The following IL18RAP variants were observed in gnomAD, a reference collection of about 807,000 sequenced individuals.
IL18RAP encodes the protein interleukin-18 receptor accessory protein.
IL18RAP carries 37 observed loss-of-function variants against 58.1 expected under a neutral mutation model. The observed-to-expected ratio is 0.64, with a 90% CI of 0.49 to 0.84. The LOEUF is 0.84. Among genes scored for constraint, IL18RAP ranks in the 40% least tolerant of loss-of-function variants. The pLI, the probability that IL18RAP is intolerant of heterozygous loss-of-function variation, is 0.00. For missense variants in IL18RAP, 667 were observed against 704.8 expected (o/e 0.95, Z 0.61); for synonymous variants, 268 against 257.5 (o/e 1.04, Z -0.39).
Position 102,452,508 on chromosome 2 carries a change from T to C in IL18RAP, c.*327T>C. 7.5e-6 allele frequency: 2 copies of C among 267,926 alleles called. No homozygotes were observed. The highest frequency in any genetic ancestry group is 7.0e-6 in the Non-Finnish European group (1 of 142,634). The allele number at this position is 267,926 out of a possible 1,614,324, so 16.6% of individuals were successfully genotyped here. ...CTAGGGAACTGTCATGTCTACCATGTATTGTACATATGACTTTATGTATAC... is the reference window on the plus strand; with the variant it reads ...CTAGGGAACTGTCATGTCTACCATGCATTGTACATATGACTTTATGTATAC... On this transcript the variant is annotated 3_prime_UTR_variant, in exon 10 of 10. Coordinates refer to ENST00000687160, the MANE Select transcript of IL18RAP (RefSeq NM_001393487.1).
chr2:102,452,116 T>A lies in IL18RAP; in HGVS notation c.1735T>A (p.Phe579Ile). ...CCAGCTCAGAATTACCTCTAGGATT[T>A]TTCAGTGGAAAGGACTCAGTAGAAC... ...WNQLRITSRI[F>I]QWKGLSRTET... The change falls in exon 10 of 10, where the codon TTT (phenylalanine) becomes ATT (isoleucine). Residue 579 changes from phenylalanine to isoleucine, a missense_variant. Phe to Ile is a conservative substitution (Grantham distance 21, BLOSUM62 0). Transcript: ENST00000687160. The A allele has an allele frequency of 6.2e-7, 1 of 1,614,102 alleles. No individual in the cohort carries two copies. Among genetic ancestry groups the A allele is most frequent in the Non-Finnish European group, 8.5e-7 (1 of 1,180,018 alleles).
chr2:102,437,708 A>G (rs1311055988), intron 4 of IL18RAP, among the ~76,000 whole-genome samples: 1 of 152,204 alleles, frequency 6.6e-6, no homozygotes, highest in African/African-American at 2.4e-5. Context: ...CACATGCTTC[A>G]AATCATAATT....
chr2:102,442,658 A>G (rs1386786015), intron 5 of IL18RAP, among the ~76,000 whole-genome samples: 1 of 152,196 alleles, frequency 6.6e-6, no homozygotes, highest in Non-Finnish European at 1.5e-5. Context: ...TTCCTCATGG[A>G]AAAAAATGGG....
chr2:102,448,413 T>C (rs1168567406), intron 8 of IL18RAP, among the ~76,000 whole-genome samples: 1 of 152,240 alleles, frequency 6.6e-6, no homozygotes, highest in Non-Finnish European at 1.5e-5. Flanking sequence ...GATAATCATG[T>C]TCATTGATGT....
intron 4 of IL18RAP, chr2:102,439,436 A>G (rs1006356301): frequency 4.6e-5 from 7 of 152,568 alleles, no homozygotes; most frequent in Non-Finnish European, 1.0e-4. Context: ...CCATGGATAC[A>G]AGCCAGCCTT....
At chr2:102,442,302 A>AT (rs925952935) in intron 5 of IL18RAP, among the ~76,000 whole-genome samples, 2 of 151,652 alleles carry the variant, frequency 1.3e-5, no homozygotes, top group African/African-American at 2.4e-5. Context: ...AATAATATAA[A>AT]TTTTTTTATT....
upstream of IL18RAP, among the ~76,000 whole-genome samples, chr2:102,421,216 A>G (rs1303350191): frequency 1.3e-5 from 2 of 152,220 alleles, no homozygotes; most frequent in Admixed American, 1.3e-4. Context: ...TCAGACAATA[A>G]TATGTGCTAA....
intron 3 of IL18RAP, among the ~76,000 whole-genome samples, chr2:102,433,350 G>A (rs1682517492): frequency 6.6e-6 from 1 of 152,184 alleles, no homozygotes; most frequent in African/African-American, 2.4e-5. Flanking sequence ...AGCATCTCAA[G>A]TAGTTGGGAC....
intron 3 of IL18RAP, among the ~76,000 whole-genome samples, chr2:102,430,143 A>G (rs563792372): frequency 5.9e-5 from 9 of 152,200 alleles, no homozygotes; most frequent in Admixed American, 5.2e-4. Context: ...TGAGCTGTCC[A>G]TAGTTGAAAT....
chr2:102,428,901 T>C (rs994623236), intron 3 of IL18RAP, among the ~76,000 whole-genome samples: 16 of 151,984 alleles, frequency 1.1e-4, no homozygotes, highest in Admixed American at 9.2e-4. Flanking sequence ...TTGAGGGTTT[T>C]TATCATGAAG....
intron 3 of IL18RAP, among the ~76,000 whole-genome samples, chr2:102,424,638 A>G (rs1273583108): frequency 6.6e-6 from 1 of 152,202 alleles, no homozygotes. Context: ...GATCAACACC[A>G]GAGAAACTTC....
chr2:102,449,278 A>T (rs1248799263), intron 8 of IL18RAP, among the ~76,000 whole-genome samples: 2 of 152,218 alleles, frequency 1.3e-5, no homozygotes, highest in Non-Finnish European at 2.9e-5. Flanking sequence ...AAAAAAAAGG[A>T]AGAAAGAAAT....
intron 3 of IL18RAP, among the ~76,000 whole-genome samples, chr2:102,427,897 C>T (rs1401152057): frequency 2.0e-5 from 3 of 151,264 alleles, no homozygotes; most frequent in African/African-American, 7.3e-5. Context: ...GATACAATTT[C>T]ATTCTTCTCC....
At chr2:102,430,754 A>G (rs981247657) in intron 3 of IL18RAP, among the ~76,000 whole-genome samples, 3 of 152,150 alleles carry the variant, frequency 2.0e-5, no homozygotes, top group African/African-American at 4.8e-5. Context: ...TGAGGCTTCC[A>G]TAAAACACTT....
At chr2:102,429,119 T>G (rs1326586198) in intron 3 of IL18RAP, among the ~76,000 whole-genome samples, 2 of 152,000 alleles carry the variant, frequency 1.3e-5, no homozygotes, top group East Asian at 3.8e-4. Context: ...TTGTTGTGGA[T>G]TTTTGCATCT....
At chr2:102,427,368 C>T (rs748359490) in intron 3 of IL18RAP, among the ~76,000 whole-genome samples, 1 of 152,044 alleles carries the variant, frequency 6.6e-6, no homozygotes, top group Non-Finnish European at 1.5e-5. Context: ...TACATTTCTA[C>T]CAACAATGTA....
At chr2:102,423,697 G>A in intron 1 of IL18RAP, 114 bp from the exon 2 acceptor site, 1 of 791,900 alleles carries the variant, frequency 1.3e-6, no homozygotes, top group Non-Finnish European at 2.0e-6. Flanking sequence ...CAGTGAAGAA[G>A]AAAGACACAC....
At chr2:102,422,475 C>T (rs548518870), upstream of IL18RAP, among the ~76,000 whole-genome samples, 6 of 152,280 alleles carry the variant, frequency 3.9e-5, no homozygotes, top group South Asian at 1.2e-3. Flanking sequence ...AAACTGAGAC[C>T]CTGCTCTGAG....
chr2:102,452,308 A>T lies in IL18RAP; in HGVS notation c.*127A>T. 1 of 885,618 alleles carries T rather than the reference A, an allele frequency of 1.1e-6. No homozygotes were observed. The highest frequency in any genetic ancestry group is 1.7e-6 in the Non-Finnish European group (1 of 585,030). The allele number at this position is 885,618 out of a possible 1,614,324, so 54.9% of individuals were successfully genotyped here. ...AAAGAGTCTCCTGCCAGCACCAAGC[A>T]AGCTTGATGGACAATGGAGTGGGAT... On this transcript the variant is annotated 3_prime_UTR_variant, in exon 10 of 10. Coordinates refer to ENST00000687160, the MANE Select transcript of IL18RAP (RefSeq NM_001393487.1).
Sources: gnomAD v4.1 joint callset for allele counts (sites outside exome capture counted in the v4.1 genomes callset) on GRCh38, gnomAD v4.1.1 for gene constraint, MANE v1.5 for transcripts, NCBI Gene and HGNC (gene_info 2026-07-23, HGNC 2026-07-21) for gene names.